Variants in NAALADL2 observed in about 807,000 individuals in gnomAD.
NAALADL2 encodes the protein inactive N-acetylated-alpha-linked acidic dipeptidase-like protein 2.
NAALADL2 carries 76 observed loss-of-function variants against 87.2 expected under a neutral mutation model. That is an observed-to-expected ratio of 0.87 (90% CI 0.72 to 1.05). The LOEUF is 1.05. Among genes scored for constraint, NAALADL2 ranks in the 50% least tolerant of loss-of-function variants. The pLI, the probability that NAALADL2 is intolerant of heterozygous loss-of-function variation, is 0.00. For synonymous variants in NAALADL2, 354 were observed against 331.0 expected (o/e 1.07, Z -0.75); for missense variants, 1,089 against 945.8 (o/e 1.15, Z -1.99).
intron 5 of NAALADL2, among the ~76,000 whole-genome samples, chr3:175,330,984 T>G (rs1198485892): frequency 1.3e-5 from 2 of 148,684 alleles, no homozygotes; most frequent in East Asian, 4.2e-4. Flanking sequence ...TGAAACCACA[T>G]AAATACAAAA....
intron 2 of NAALADL2, among the ~76,000 whole-genome samples, chr3:175,229,418 TTTATG>T (rs1386076848): frequency 6.6e-6 from 1 of 152,034 alleles, no homozygotes; most frequent in Non-Finnish European, 1.5e-5. Context: ...AAAACATATT[TTTATG>T]TTAACATTGA....
chr3:174,569,271 G>A (rs185317730), intron 2 of NAALADL2, among the ~76,000 whole-genome samples: 15 of 151,764 alleles, frequency 9.9e-5, no homozygotes, highest in Admixed American at 2.6e-4. Flanking sequence ...AAGGAGACTC[G>A]ATCCAAGGAC....
intron 10 of NAALADL2, among the ~76,000 whole-genome samples, chr3:175,607,073 G>T (rs575217502): frequency 6.6e-6 from 1 of 152,334 alleles, no homozygotes; most frequent in South Asian, 2.1e-4. Flanking sequence ...GAGAGAGTAA[G>T]AAGGTGTATT....
chr3:174,737,540 T>C (rs1733344731), intron 2 of NAALADL2: 1 of 152,226 alleles, frequency 6.6e-6, no homozygotes, highest in Admixed American at 6.5e-5. Flanking sequence ...ACTGATAAAG[T>C]TATGCTAAGA....
chr3:174,936,083 T>C (rs1450130516), intron 1 of NAALADL2, among the ~76,000 whole-genome samples: 3 of 152,090 alleles, frequency 2.0e-5, no homozygotes, highest in East Asian at 3.8e-4. Flanking sequence ...GCTCTGATGG[T>C]TGAAAAGGGA....
At chr3:175,786,178 C>A (rs571354737) in intron 13 of NAALADL2, among the ~76,000 whole-genome samples, 14 of 151,740 alleles carry the variant, frequency 9.2e-5, no homozygotes, top group Admixed American at 2.6e-4. Flanking sequence ...AATTATGTGT[C>A]TTGGAGTTGC....
At chr3:175,667,203 GAAA>G (rs1733186558) in intron 11 of NAALADL2, among the ~76,000 whole-genome samples, 1 of 110,214 alleles carries the variant, frequency 9.1e-6, no homozygotes, top group Non-Finnish European at 1.7e-5. Context: ...AAGAAAGAAA[GAAA>G]GAAAGAAAGA....
intron 2 of NAALADL2, among the ~76,000 whole-genome samples, chr3:174,654,471 G>A (rs1578437977): frequency 6.6e-6 from 1 of 152,038 alleles, no homozygotes; most frequent in South Asian, 2.1e-4. Context: ...TTTCTCAGGT[G>A]CCATAATTAT....
At chr3:175,352,399 G>A (rs10936847) in intron 5 of NAALADL2, among the ~76,000 whole-genome samples, 92,983 of 151,898 alleles carry the variant, frequency 0.61, 28,857 homozygotes, top group African/African-American at 0.71. Flanking sequence ...AATGTACTGT[G>A]TACTGAGACC....
intron 13 of NAALADL2, among the ~76,000 whole-genome samples, chr3:175,758,804 G>T (rs1369117609): frequency 2.0e-5 from 3 of 151,826 alleles, no homozygotes; most frequent in Non-Finnish European, 1.5e-5. Context: ...TTTTTTTAAT[G>T]TTAAACAGTC....
rs979838858 is a variant in NAALADL2, at chr3:175,804,728, A to G, written c.*1525A>G. The G allele has an allele frequency of 2.0e-5, 3 of 151,798 alleles. No individual in the cohort carries two copies. Among genetic ancestry groups the G allele is most frequent in the Non-Finnish European group, 2.9e-5 (2 of 67,814 alleles). 9.4% of individuals were successfully genotyped at this position (151,798 alleles called of 1,614,324 possible). A position where few individuals can be genotyped will look rare whatever the true frequency, so the allele number is the denominator to read the frequency against. On this transcript the variant is annotated 3_prime_UTR_variant, in exon 14 of 14. Transcript: ENST00000454872. ...CCTAGTCTTAGTTTAAAGGCAAACT[A>G]AAGTTGAGGGGAAATAATTAATCAA...
intron 2 of NAALADL2, among the ~76,000 whole-genome samples, chr3:174,560,240 A>G (rs1024272225): frequency 5.3e-5 from 8 of 152,320 alleles, no homozygotes; most frequent in Non-Finnish European, 1.0e-4. Flanking sequence ...ACATCCAAAT[A>G]TAAAGTTGTA....
chr3:175,623,277 A>G (rs935148549), intron 10 of NAALADL2, among the ~76,000 whole-genome samples: 1 of 114,796 alleles, frequency 8.7e-6, no homozygotes, highest in Non-Finnish European at 1.9e-5. Flanking sequence ...TAGTTAATAC[A>G]GCTTTTATTT....
At chr3:174,632,369 C>T (rs983753770) in intron 2 of NAALADL2, among the ~76,000 whole-genome samples, 1 of 152,094 alleles carries the variant, frequency 6.6e-6, no homozygotes, top group Non-Finnish European at 1.5e-5. Context: ...TAGTCATGCC[C>T]TCACGTTGAT....
rs114904268 is a variant in NAALADL2, at chr3:175,302,209, T to C, written c.940-21966T>C. 6.4e-3 allele frequency among the ~76,000 whole-genome samples: 980 copies of C among 152,328 alleles called. 12 individuals are homozygous for C. The highest frequency in any genetic ancestry group is 0.022 in the African/African-American group (899 of 41,572). On this transcript the variant is annotated intron_variant, in intron 4 of 13. Transcript: ENST00000454872. ...CTTCAAAGCATTATAGTTTGGACTGTATAATTCCATAGGAATTAAGTAATA... is the reference window on the plus strand; with the variant it reads ...CTTCAAAGCATTATAGTTTGGACTGCATAATTCCATAGGAATTAAGTAATA...
intron 3 of NAALADL2, among the ~76,000 whole-genome samples, chr3:174,788,233 C>T (rs150071739): frequency 5.3e-5 from 8 of 151,964 alleles, no homozygotes; most frequent in Non-Finnish European, 7.4e-5. Context: ...CAATAGAAAT[C>T]GGAATCACTT....
intron 9 of NAALADL2, among the ~76,000 whole-genome samples, chr3:175,537,909 T>A (rs1169962163): frequency 6.6e-6 from 1 of 152,212 alleles, no homozygotes; most frequent in Non-Finnish European, 1.5e-5. Flanking sequence ...AGGTTTCATA[T>A]GATAAGTTGA....
intron 1 of NAALADL2, among the ~76,000 whole-genome samples, chr3:174,924,168 C>T (rs1015471347): frequency 2.6e-5 from 4 of 151,374 alleles, no homozygotes; most frequent in Non-Finnish European, 2.9e-5. Context: ...CCCATTAACT[C>T]GTCATTTACA....
intron 9 of NAALADL2, among the ~76,000 whole-genome samples, chr3:175,555,599 GT>G (rs1435955028): frequency 6.6e-6 from 1 of 152,078 alleles, no homozygotes; most frequent in Non-Finnish European, 1.5e-5. Flanking sequence ...CATAAGTTAT[GT>G]TTTCTAAAGC....
Sources: gnomAD v4.1 joint callset for allele counts (sites outside exome capture counted in the v4.1 genomes callset) on GRCh38, gnomAD v4.1.1 for gene constraint, MANE v1.5 for transcripts, NCBI Gene and HGNC (gene_info 2026-07-23, HGNC 2026-07-21) for gene names.